LRRN2: variants seen among roughly 807,000 people sequenced by gnomAD.
LRRN2 encodes leucine rich repeat neuronal 2.
In LRRN2, 10 loss-of-function variants were observed where a neutral mutation model predicts 35.7. The observed-to-expected ratio is 0.28, with a 90% CI of 0.17 to 0.47. LRRN2 has a LOEUF of 0.47. Ranked by LOEUF, LRRN2 falls within the 20% of genes least tolerant of loss-of-function variation. The pLI, the probability that LRRN2 is intolerant of heterozygous loss-of-function variation, is 0.99. For missense variants in LRRN2, 731 were observed against 940.3 expected, an observed-to-expected ratio of 0.78 and a Z score of 2.91; for synonymous variants, 391 against 409.6, an observed-to-expected ratio of 0.95 and a Z score of 0.55.
chr1:204,664,484 AT>A (rs1213740269), intron 1 of LRRN2: 1 of 152,186 alleles, frequency 6.6e-6, no homozygotes, highest in African/African-American at 2.4e-5. Flanking sequence ...CAGCTCGTTC[AT>A]TCTCTCTCCC....
intron 1 of LRRN2, among the ~76,000 whole-genome samples, chr1:204,680,667 G>A (rs1358418887): frequency 6.6e-6 from 1 of 152,224 alleles, no homozygotes; most frequent in Non-Finnish European, 1.5e-5. Flanking sequence ...ACCAAGACAT[G>A]TGGGAATGTT....
At chr1:204,633,870 T>G (rs924915197) in intron 1 of LRRN2, among the ~76,000 whole-genome samples, 16 of 152,242 alleles carry the variant, frequency 1.1e-4, no homozygotes, top group Non-Finnish European at 1.3e-4. Flanking sequence ...GCCCCTGGCC[T>G]AAGCTCGGCA....
intron 1 of LRRN2, among the ~76,000 whole-genome samples, chr1:204,682,437 A>C (rs1404738936): frequency 6.6e-6 from 1 of 152,216 alleles, no homozygotes; most frequent in Non-Finnish European, 1.5e-5. Context: ...ATAAGTGTAC[A>C]AGTTACCAGA....
chr1:204,641,010 A>AAAC (rs1457189190), intron 1 of LRRN2, among the ~76,000 whole-genome samples: 1 of 151,720 alleles, frequency 6.6e-6, no homozygotes, highest in Non-Finnish European at 1.5e-5. Flanking sequence ...AAAAAGAAAA[A>AAAC]AAAAAAACAA....
At chr1:204,632,195 C>A (rs934525611) in intron 1 of LRRN2, among the ~76,000 whole-genome samples, 3 of 152,184 alleles carry the variant, frequency 2.0e-5, no homozygotes, top group Non-Finnish European at 4.4e-5. Flanking sequence ...GACTGCACAA[C>A]TGAACTACAG....
chr1:204,665,191 A>C (rs1668551167), intron 1 of LRRN2, among the ~76,000 whole-genome samples: 1 of 152,184 alleles, frequency 6.6e-6, no homozygotes, highest in South Asian at 2.1e-4. Flanking sequence ...AAAAAAGAAA[A>C]AAAATTTAAA....
chr1:204,653,075 G>T (rs1312425193), intron 1 of LRRN2, among the ~76,000 whole-genome samples: 6 of 152,354 alleles, frequency 3.9e-5, no homozygotes, highest in Middle Eastern at 3.4e-3. Context: ...AATGGAAGAA[G>T]CAGAGTCCCA....
intron 1 of LRRN2, among the ~76,000 whole-genome samples, chr1:204,673,159 G>A (rs1668748759): frequency 6.6e-6 from 1 of 152,038 alleles, no homozygotes; most frequent in Non-Finnish European, 1.5e-5. Context: ...GACCCACTTG[G>A]CCCTGTACTT....
chr1:204,620,203 C>G lies in LRRN2; in HGVS notation c.-211G>C, dbSNP rs1558395630. 3.5e-6 allele frequency: 5 copies of G among 1,440,618 alleles called. No individual in the cohort carries two copies. In the Admixed American group the frequency reaches 9.0e-5, roughly 26 times the overall value. 89.2% of individuals were successfully genotyped at this position (1,440,618 alleles called of 1,614,324 possible). ...TGGGCCTGCTCAGTCATTGCCAGGC[C>G]CCATCAGGGGCAGCCCTGGAAGAAG... On this transcript the variant is annotated 5_prime_UTR_variant, in exon 2 of 2. Coordinates refer to ENST00000367177, the MANE Select transcript of LRRN2 (RefSeq NM_201630.2).
At chr1:204,664,791 G>A (rs376922636) in intron 1 of LRRN2, among the ~76,000 whole-genome samples, 12 of 152,162 alleles carry the variant, frequency 7.9e-5, no homozygotes, top group East Asian at 5.8e-4. Context: ...GTCCCTCCCC[G>A]TCTTCTGCGT....
At chr1:204,674,070 C>G (rs1430512228) in intron 1 of LRRN2, among the ~76,000 whole-genome samples, 2 of 152,188 alleles carry the variant, frequency 1.3e-5, no homozygotes, top group African/African-American at 2.4e-5. Context: ...CCAAATCTGC[C>G]TGACAGGTGA....
At chr1:204,680,935 CGCAAACA>C (rs1264454873) in intron 1 of LRRN2, among the ~76,000 whole-genome samples, 1 of 152,032 alleles carries the variant, frequency 6.6e-6, no homozygotes, top group Non-Finnish European at 1.5e-5. Context: ...TTTCCTAATC[CGCAAACA>C]GCAAACAGAG....
At chr1:204,624,756 C>G (rs1224089350) in intron 1 of LRRN2, among the ~76,000 whole-genome samples, 13 of 8,682 alleles carry the variant, frequency 1.5e-3, no homozygotes, top group Non-Finnish European at 8.6e-3. Context: ...TCCCCCCCCA[C>G]CCCCCCCCCC....
chr1:204,679,578 A>C (rs1293725543), intron 1 of LRRN2, among the ~76,000 whole-genome samples: 2 of 152,200 alleles, frequency 1.3e-5, no homozygotes, highest in Non-Finnish European at 2.9e-5. Context: ...GATGTTTGTA[A>C]ATAGGAACAA....
intron 1 of LRRN2, among the ~76,000 whole-genome samples, chr1:204,678,104 C>T (rs1668866187): frequency 6.6e-6 from 1 of 152,208 alleles, no homozygotes; most frequent in Non-Finnish European, 1.5e-5. Context: ...CCCTATATAA[C>T]TCCCACACAG....
chr1:204,674,427 C>T (rs1437068317), intron 1 of LRRN2, among the ~76,000 whole-genome samples: 1 of 152,190 alleles, frequency 6.6e-6, no homozygotes, highest in African/African-American at 2.4e-5. Flanking sequence ...GAGACCAACA[C>T]CGGGGAGCTG....
chr1:204,617,789 T>C lies in LRRN2; in HGVS notation c.*62A>G. Reference sequence around the variant, plus strand: ...TCCTGGCAGGGCATCTGGCCCAGACTGCTTCTCTTTTGGTAAAAAGTAGTC... The same window carrying C: ...TCCTGGCAGGGCATCTGGCCCAGACCGCTTCTCTTTTGGTAAAAAGTAGTC... On this transcript the variant is annotated 3_prime_UTR_variant, in exon 2 of 2. Coordinates refer to ENST00000367177, the MANE Select transcript of LRRN2 (RefSeq NM_201630.2). 1 of 1,581,384 alleles carries C rather than the reference T, an allele frequency of 6.3e-7. No individual in the cohort carries two copies. The highest frequency in any genetic ancestry group is 8.7e-7 in the Non-Finnish European group (1 of 1,152,798).
At chr1:204,664,998 G>A (rs1426730530) in intron 1 of LRRN2, among the ~76,000 whole-genome samples, 1 of 152,098 alleles carries the variant, frequency 6.6e-6, no homozygotes, top group Non-Finnish European at 1.5e-5. Flanking sequence ...CCCTAGAACA[G>A]TGTCCTAAAT....
chr1:204,645,416 T>G (rs1004193893), intron 1 of LRRN2, among the ~76,000 whole-genome samples: 3 of 152,198 alleles, frequency 2.0e-5, no homozygotes, highest in South Asian at 2.1e-4. Flanking sequence ...ATGGGCTGGG[T>G]CAGTTGCTAA....
Sources: allele counts gnomAD v4.1 joint callset (sites outside exome capture counted in the v4.1 genomes callset), GRCh38; gene constraint gnomAD v4.1.1; transcripts MANE v1.5; gene names NCBI Gene and HGNC (gene_info 2026-07-23, HGNC 2026-07-21).